The following PXYLP1 variants were observed in gnomAD, a reference collection of about 807,000 sequenced individuals.
PXYLP1 encodes the protein acid phosphatase-like 2.
PXYLP1 carries 17 observed loss-of-function variants against 37.9 expected under a neutral mutation model. The ratio of observed to expected loss-of-function variants is 0.45; its 90% CI spans 0.31 to 0.67. The LOEUF is 0.67. PXYLP1 is among the 30% of genes least tolerant of loss of function. The probability of loss-of-function intolerance (pLI) is 0.07; values close to 1 mark genes in which losing one functional copy is unlikely to be tolerated. For synonymous variants in PXYLP1, 221 were observed against 232.2 expected (o/e 0.95, Z 0.44); for missense variants, 511 against 612.0 (o/e 0.84, Z 1.74).
intron 4 of PXYLP1, among the ~76,000 whole-genome samples, chr3:141,280,838 C>G (rs2148819450): frequency 6.6e-6 from 1 of 152,306 alleles, no homozygotes; most frequent in Admixed American, 6.5e-5. Flanking sequence ...AAACGGAATA[C>G]TGTGGCCAGC....
chr3:141,263,642 A>G (rs1050681670), intron 2 of PXYLP1, among the ~76,000 whole-genome samples: 29 of 152,118 alleles, frequency 1.9e-4, no homozygotes, highest in Non-Finnish European at 4.0e-4. Flanking sequence ...GCATTTTCTT[A>G]ATGCTGATTT....
chr3:141,273,045 C>T (rs1277311191), intron 2 of PXYLP1: 7 of 985,382 alleles, frequency 7.1e-6, no homozygotes, highest in African/African-American at 5.2e-5. Context: ...TACCTGCACC[C>T]CCCAACCAGC....
Position 141,279,470 on chromosome 3 carries a change from C to T in PXYLP1, c.331C>T (p.Arg111Ter), listed in dbSNP as rs1438694490. ...YPLYVIPKTK[R>*]PEIDCTLVAN... ...ACTGTATGTCATTCCCAAAACAAAG[C>T]GACCAGAAATTGACTGCACTCTGGT... Residue 111 changes from arginine to a stop codon, truncating the protein, a stop_gained, in exon 4 of 6, where the codon CGA becomes TGA. Coordinates refer to ENST00000286353, the MANE Select transcript of PXYLP1 (RefSeq NM_001037172.3). LOFTEE classifies it high-confidence loss of function. The T allele has an allele frequency of 1.9e-5, 31 of 1,614,110 alleles. No homozygotes were observed. Among genetic ancestry groups the T allele is most frequent in the Non-Finnish European group, 2.6e-5 (31 of 1,180,048 alleles).
rs188282422 is a variant in PXYLP1, at chr3:141,276,634, C to A, written c.80-1708C>A. Among the ~76,000 whole-genome samples the A allele has an allele frequency of 1.9e-4, 29 of 152,230 alleles. No individual in the cohort carries two copies. The East Asian group carries it at 5.4e-3, about 28-fold the overall frequency. Reference sequence around the variant, plus strand: ...ATCTCTTTGGCCACACATTTTTGTGCGTGGGCATCGCTATCTTTATAGATA... The same window carrying A: ...ATCTCTTTGGCCACACATTTTTGTGAGTGGGCATCGCTATCTTTATAGATA... On this transcript the variant is annotated intron_variant, in intron 2 of 5. Coordinates refer to ENST00000286353, the MANE Select transcript of PXYLP1 (RefSeq NM_001037172.3).
intron 1 of PXYLP1, among the ~76,000 whole-genome samples, chr3:141,250,570 G>A (rs1941118877): frequency 6.6e-6 from 1 of 152,244 alleles, no homozygotes. Flanking sequence ...ACTTCAGCCA[G>A]TGAGATGCGA....
At position 141,248,643 on chromosome 3, in the gene PXYLP1, GTATATATACACACGTA is replaced by G. The variant is rs1435488478; in HGVS notation, c.-53-11473_-53-11458del. On this transcript the variant is annotated intron_variant, in intron 1 of 5. Transcript: ENST00000286353. ...TACACACACGTATATATACACACGT[GTATATATACACACGTA>G]TATATACACACACGTGTATATATAC... 1.0e-3 allele frequency among the ~76,000 whole-genome samples: 85 copies of G among 83,110 alleles called. 1 individual carries two copies. Among genetic ancestry groups the G allele is most frequent in the Non-Finnish European group, 1.3e-3 (60 of 44,600 alleles). 54.5% of individuals were successfully genotyped at this position (83,110 alleles called of 152,430 possible). A position where few individuals can be genotyped will look rare whatever the true frequency, so the allele number is the denominator to read the frequency against.
rs75312231 is a variant in PXYLP1, at chr3:141,250,214, C to A, written c.-53-9909C>A. Among the ~76,000 whole-genome samples the A allele has an allele frequency of 6.6e-3, 1,004 of 152,342 alleles. 12 individuals are homozygous for A. Among genetic ancestry groups the A allele is most frequent in the African/African-American group, 0.022 (926 of 41,558 alleles). On this transcript the variant is annotated intron_variant, in intron 1 of 5. Coordinates refer to ENST00000286353, the MANE Select transcript of PXYLP1 (RefSeq NM_001037172.3). ...GAGGCTGCTCTGCTGTTTGTCTCTG[C>A]TGAATTACACCTGAGCAAACCAGCA...
At chr3:141,284,503 T>C (rs1942027002) in intron 4 of PXYLP1, among the ~76,000 whole-genome samples, 1 of 152,218 alleles carries the variant, frequency 6.6e-6, no homozygotes, top group Admixed American at 6.5e-5. Context: ...TACACTAGTC[T>C]CATCCACACT....
chr3:141,265,481 G>A (rs1428405343), intron 2 of PXYLP1, among the ~76,000 whole-genome samples: 1 of 151,964 alleles, frequency 6.6e-6, no homozygotes, highest in African/African-American at 2.4e-5. Context: ...CAATCCAGAG[G>A]CTTGTGAAAG....
intron 1 of PXYLP1, among the ~76,000 whole-genome samples, chr3:141,257,516 T>C (rs947301663): frequency 2.6e-5 from 4 of 152,188 alleles, no homozygotes; most frequent in Admixed American, 1.3e-4. Context: ...CTGCGACAAT[T>C]TACCATGCTA....
chr3:141,291,124 A>G (rs2148846715), intron 5 of PXYLP1, among the ~76,000 whole-genome samples: 1 of 152,128 alleles, frequency 6.6e-6, no homozygotes, highest in South Asian at 2.1e-4. Flanking sequence ...TTCCCAGGGG[A>G]ACATATTTCC....
At chr3:141,234,230 G>A (rs1021993578) in intron 1 of PXYLP1, 3 of 151,880 alleles carry the variant, frequency 2.0e-5, no homozygotes, top group African/African-American at 4.8e-5. Context: ...TGCAATCTAC[G>A]GATCAGTCTC....
intron 5 of PXYLP1, among the ~76,000 whole-genome samples, chr3:141,287,810 A>G (rs939562066): frequency 6.6e-6 from 1 of 152,218 alleles, no homozygotes; most frequent in Non-Finnish European, 1.5e-5. Context: ...ACACTATTTC[A>G]TAACCCACTT....
At chr3:141,259,348 T>C (rs1941338733) in intron 1 of PXYLP1, among the ~76,000 whole-genome samples, 1 of 152,212 alleles carries the variant, frequency 6.6e-6, no homozygotes, top group South Asian at 2.1e-4. Context: ...GGAAATAAAC[T>C]TGACTTCTAA....
chr3:141,274,400 C>T (rs1941740832), intron 2 of PXYLP1: 11 of 1,449,610 alleles, frequency 7.6e-6, no homozygotes, highest in Non-Finnish European at 1.0e-5. Context: ...CCCCCATCTG[C>T]CATGTTTGGC....
Position 141,246,919 on chromosome 3 carries a change from G to A in PXYLP1, c.-53-13204G>A, listed in dbSNP as rs548404034. Among the ~76,000 whole-genome samples, 7 of 152,294 alleles carry A rather than the reference G, an allele frequency of 4.6e-5. No individual in the cohort carries two copies. In the East Asian group the frequency reaches 1.4e-3, roughly 29 times the overall value. The stretch of plus-strand genomic sequence containing the variant: ...CTGGTCTCATTCTCTGTGTTTTTGA[G>A]CACTTCAGCCTTGGCTTCCAACCCA... On this transcript the variant is annotated intron_variant, in intron 1 of 5. Transcript: ENST00000286353.
intron 2 of PXYLP1, among the ~76,000 whole-genome samples, chr3:141,260,574 T>TTGCAAG (rs1941370551): frequency 6.6e-6 from 1 of 152,212 alleles, no homozygotes; most frequent in African/African-American, 2.4e-5. Flanking sequence ...TGTTTAGCCC[T>TTGCAAG]TTGATTGGGT....
intron 1 of PXYLP1, among the ~76,000 whole-genome samples, chr3:141,250,197 TCTG>T (rs1458696989): frequency 1.3e-5 from 2 of 152,272 alleles, no homozygotes; most frequent in Non-Finnish European, 2.9e-5. Context: ...AGGAGGCTGC[TCTG>T]CTGTTTGTCT....
chr3:141,258,162 A>C (rs1301323516), intron 1 of PXYLP1, among the ~76,000 whole-genome samples: 1 of 152,164 alleles, frequency 6.6e-6, no homozygotes, highest in Non-Finnish European at 1.5e-5. Flanking sequence ...GTGATGACAC[A>C]AAAGACACCA....
Sources: gnomAD v4.1 joint callset for allele counts (sites outside exome capture counted in the v4.1 genomes callset) on GRCh38, gnomAD v4.1.1 for gene constraint, MANE v1.5 for transcripts, NCBI Gene and HGNC (gene_info 2026-07-23, HGNC 2026-07-21) for gene names.